Variants in ADGRG7 observed in about 807,000 individuals in gnomAD.
The protein encoded by ADGRG7 is G-protein coupled receptor 128.
Under a neutral mutation model 88.6 loss-of-function variants are expected in ADGRG7, and 82 were observed. The ratio of observed to expected loss-of-function variants is 0.93; its 90% confidence interval spans 0.77 to 1.11. ADGRG7 has a LOEUF of 1.11. Ranked by LOEUF, ADGRG7 falls within the 50% of genes most tolerant of loss-of-function variation. The pLI is 0.00. For missense variants in ADGRG7, 945 were observed against 953.4 expected, an observed-to-expected ratio of 0.99 and a Z score of 0.12; for synonymous variants, 381 against 345.2, an observed-to-expected ratio of 1.10 and a Z score of -1.15.
At chr3:100,655,320 C>T (rs530638595) in intron 12 of ADGRG7, 139 bp downstream of exon 12, 2 of 625,894 alleles carry the variant, frequency 3.2e-6, no homozygotes, top group East Asian at 2.8e-5. Context: ...GCTAAGAATA[C>T]GTTCCGTCTA....
rs1295042145 is a variant in ADGRG7, at chr3:100,643,407, T to C, written c.838+2T>C. 6.2e-7 allele frequency: 1 copy of C among 1,613,804 alleles called. No homozygotes were observed. Among genetic ancestry groups the C allele is most frequent in the Non-Finnish European group, 8.5e-7 (1 of 1,179,850 alleles). ...ATGTTCGCTTCTCTGTGCAGAAAGG[T>C]GAGCTGTTAATCTTATGTGCTTGTA... is the stretch of plus-strand genomic sequence containing the variant. On this transcript the variant is annotated splice_donor_variant, in intron 7 of 15. Transcript: ENST00000273352. LOFTEE classifies it high-confidence loss of function.
At position 100,669,345 on chromosome 3, in the gene ADGRG7, C is replaced by T. The variant is rs1275276622; in HGVS notation, c.2136+240C>T. Among the ~76,000 whole-genome samples, 15 of 151,908 alleles carry T rather than the reference C, an allele frequency of 9.9e-5. 1 individual carries two copies. The highest frequency in any genetic ancestry group is 3.4e-4 in the African/African-American group (14 of 41,424). On this transcript the variant is annotated intron_variant, in intron 15 of 15. Transcript: ENST00000273352. ...ACTAAAAAAAATACAAAAAATTAGC[C>T]GGGTGTGGTGGCGGGCGCCTGTAGT...
chr3:100,626,729 G>A (rs1368060256), intron 1 of ADGRG7, among the ~76,000 whole-genome samples: 1 of 152,134 alleles, frequency 6.6e-6, no homozygotes, highest in African/African-American at 2.4e-5. Context: ...AGGTTGCAGT[G>A]AGCCGAGATT....
At chr3:100,665,778 A>T (rs561185852) in intron 14 of ADGRG7, among the ~76,000 whole-genome samples, 1 of 152,302 alleles carries the variant, frequency 6.6e-6, no homozygotes, top group South Asian at 2.1e-4. Context: ...TCATACAAAA[A>T]TTATCATGTT....
At chr3:100,671,898 C>G (rs2094959111) in intron 15 of ADGRG7, among the ~76,000 whole-genome samples, 1 of 152,146 alleles carries the variant, frequency 6.6e-6, no homozygotes, top group African/African-American at 2.4e-5. Flanking sequence ...GGCCTCTATT[C>G]TGTTCCATTG....
chr3:100,637,532 A>C, intron 6 of ADGRG7, 130 bp downstream of exon 6: 1 of 664,500 alleles, frequency 1.5e-6, no homozygotes, highest in Non-Finnish European at 2.6e-6. Flanking sequence ...TGGAATGTAG[A>C]TAAGAGCTGT....
chr3:100,633,086 A>T (rs769533373), intron 3 of ADGRG7, among the ~76,000 whole-genome samples, 179 bp from the exon 4 acceptor site: 2 of 152,198 alleles, frequency 1.3e-5, no homozygotes, highest in African/African-American at 2.4e-5. Flanking sequence ...GAAATAGTCA[A>T]CTGGTCTTTT....
At chr3:100,634,056 A>T (rs772990105) in intron 4 of ADGRG7, among the ~76,000 whole-genome samples, 1 of 152,202 alleles carries the variant, frequency 6.6e-6, no homozygotes, top group Non-Finnish European at 1.5e-5. Context: ...GGAAACAGGA[A>T]ACTCCAAACC....
intron 1 of ADGRG7, among the ~76,000 whole-genome samples, chr3:100,618,498 G>C (rs1707259042): frequency 6.6e-6 from 1 of 152,052 alleles, no homozygotes; most frequent in African/African-American, 2.4e-5. Context: ...TCTTGTTTTT[G>C]TCAGATTTGT....
chr3:100,685,296 C>G (rs116637558), intron 15 of ADGRG7, among the ~76,000 whole-genome samples: 1 of 151,998 alleles, frequency 6.6e-6, no homozygotes, highest in African/African-American at 2.4e-5. Context: ...ATTCTATAGA[C>G]GAACGGAAAT....
At chr3:100,610,243 G>A (rs886822316) in intron 1 of ADGRG7, among the ~76,000 whole-genome samples, 1 of 152,190 alleles carries the variant, frequency 6.6e-6, no homozygotes, top group Non-Finnish European at 1.5e-5. Context: ...ATTGGTAGAA[G>A]AGTAATAATT....
In ADGRG7 at chr3:100,630,686, CT is replaced by C; in HGVS notation, c.230-14del. 1.7e-6 allele frequency: 2 copies of C among 1,178,042 alleles called. No homozygotes were observed. The highest frequency in any genetic ancestry group is 1.1e-6 in the Non-Finnish European group (1 of 883,536). The allele number at this position is 1,178,042 out of a possible 1,614,324, so 73.0% of individuals were successfully genotyped here. On this transcript the variant is annotated intron_variant, in intron 2 of 15. Coordinates refer to ENST00000273352, the MANE Select transcript of ADGRG7 (RefSeq NM_032787.3). ...TTAAAATACAATTTATAATAAAGAA[CT>C]TTTTCTCTTTATTACAGCTAATTTT...
chr3:100,680,820 A>C lies in ADGRG7; in HGVS notation c.2136+11715A>C, dbSNP rs545647208. 3.3e-5 allele frequency among the ~76,000 whole-genome samples: 5 copies of C among 152,210 alleles called. No homozygotes were observed. The South Asian group carries it at 1.0e-3, about 32-fold the overall frequency. On this transcript the variant is annotated intron_variant, in intron 15 of 15. Transcript: ENST00000273352. ...ACAAAACCTGCTATGCAATGTTCTT[A>C]TTTTTGCTTTAGATATGTATTTTAA...
chr3:100,673,660 C>T (rs886298270), intron 15 of ADGRG7, among the ~76,000 whole-genome samples: 2 of 152,044 alleles, frequency 1.3e-5, no homozygotes, highest in African/African-American at 4.8e-5. Flanking sequence ...TGGGGTTTCA[C>T]CATGTTCAGG....
rs1419363706 is a variant in ADGRG7 at position 100,619,271 on chromosome 3, C to A, written c.115+9300C>A. Among the ~76,000 whole-genome samples, 3 of 152,164 alleles carry A rather than the reference C, an allele frequency of 2.0e-5. No homozygotes were observed. The East Asian group carries it at 5.8e-4, about 29-fold the overall frequency. ...AAGAAACTCACTCAAAACCGCTCAA[C>A]TACATGGAAACTGAACAACCTGCTC... On this transcript the variant is annotated intron_variant, in intron 1 of 15. Transcript: ENST00000273352.
chr3:100,683,035 C>G (rs897839640), intron 15 of ADGRG7, among the ~76,000 whole-genome samples: 1 of 152,260 alleles, frequency 6.6e-6, no homozygotes, highest in African/African-American at 2.4e-5. Context: ...TAGTGAAGAG[C>G]TACTGTCTCT....
chr3:100,629,128 A>AG (rs1559672652), intron 1 of ADGRG7, among the ~76,000 whole-genome samples: 2 of 151,990 alleles, frequency 1.3e-5, no homozygotes, highest in East Asian at 3.9e-4. Flanking sequence ...CGGGTCACCC[A>AG]TTTTCATCTG....
chr3:100,685,357 T>C (rs1389748444), intron 15 of ADGRG7, among the ~76,000 whole-genome samples: 1 of 152,172 alleles, frequency 6.6e-6, no homozygotes, highest in Non-Finnish European at 1.5e-5. Flanking sequence ...CTTGTATTTT[T>C]CCCCATTCTT....
intron 6 of ADGRG7, among the ~76,000 whole-genome samples, chr3:100,641,456 T>A (rs1707640748): frequency 6.6e-6 from 1 of 152,058 alleles, no homozygotes; most frequent in Admixed American, 6.6e-5. Context: ...TGGTCTGAGT[T>A]AGGTACAGGA....
Sources: gnomAD v4.1 joint callset for allele counts (sites outside exome capture counted in the v4.1 genomes callset) on GRCh38, gnomAD v4.1.1 for gene constraint, MANE v1.5 for transcripts, NCBI Gene and HGNC (gene_info 2026-07-23, HGNC 2026-07-21) for gene names.